Variants in MLIP observed in about 807,000 individuals in gnomAD.
The protein encoded by MLIP is muscular LMNA-interacting protein.
Under a neutral mutation model 84.8 loss-of-function variants are expected in MLIP, and 79 were observed. That is an observed-to-expected ratio of 0.93 (90% CI 0.78 to 1.12). MLIP has a LOEUF of 1.12. MLIP is among the 50% of genes most tolerant of loss of function. The probability of loss-of-function intolerance (pLI) is 0.00; values close to 1 mark genes in which losing one functional copy is unlikely to be tolerated. For synonymous variants in MLIP, 504 were observed against 463.0 expected (o/e 1.09, Z -1.14); for missense variants, 1,257 against 1,160.6 (o/e 1.08, Z -1.21).
At chr6:54,190,897 G>T (rs531073310) in intron 10 of MLIP, among the ~76,000 whole-genome samples, 2 of 150,832 alleles carry the variant, frequency 1.3e-5, no homozygotes, top group Non-Finnish European at 2.9e-5. Flanking sequence ...CCGGGTTCAC[G>T]CCATTCTCCT....
At chr6:54,160,907 A>C (rs1774570231) in intron 8 of MLIP, 108 bp downstream of exon 8, 5 of 835,774 alleles carry the variant, frequency 6.0e-6, no homozygotes, top group Admixed American at 5.1e-5. Context: ...AATTTAGTGA[A>C]TAGCAATCAG....
intron 1 of MLIP, among the ~76,000 whole-genome samples, chr6:54,074,243 G>T (rs924803610): frequency 6.6e-6 from 1 of 152,136 alleles, no homozygotes; most frequent in Non-Finnish European, 1.5e-5. Context: ...TAGCACTTCT[G>T]AGTGCTCAGC....
At chr6:54,250,634 T>C (rs532046530) in intron 12 of MLIP, among the ~76,000 whole-genome samples, 1 of 152,294 alleles carries the variant, frequency 6.6e-6, no homozygotes, top group East Asian at 1.9e-4. Context: ...TGAAGTGAAG[T>C]TGATGCATAC....
intron 1 of MLIP, among the ~76,000 whole-genome samples, chr6:54,091,767 G>A (rs146584069): frequency 2.4e-4 from 37 of 152,290 alleles, no homozygotes; most frequent in African/African-American, 8.7e-4. Context: ...TAGGCCTCCA[G>A]TTATAGATCT....
At chr6:54,188,961 A>T (rs1777661480) in intron 9 of MLIP, among the ~76,000 whole-genome samples, 2 of 152,232 alleles carry the variant, frequency 1.3e-5, no homozygotes. Context: ...TGCAAAAGAC[A>T]GAAATGCTAC....
At chr6:54,193,792 T>A (rs548861625) in intron 10 of MLIP, among the ~76,000 whole-genome samples, 2 of 152,192 alleles carry the variant, frequency 1.3e-5, no homozygotes, top group South Asian at 4.2e-4. Context: ...AAAGGAAAGA[T>A]CTAGGGTCTG....
rs371332472 is a variant in MLIP, at chr6:54,261,699, C to T, written c.2977-4251C>T. ...GCCATCCCATTCCTCTGACTTTATC[C>T]TCTGGATGAGAACATAGAAAAGAGA... On this transcript the variant is annotated intron_variant, in intron 13 of 13. Coordinates refer to ENST00000502396, the MANE Select transcript of MLIP (RefSeq NM_001281747.2). The T allele has an allele frequency of 2.9e-5, 29 of 985,118 alleles. No homozygotes were observed. In the East Asian group the frequency reaches 4.5e-4, roughly 15 times the overall value. 61.0% of individuals were successfully genotyped at this position (985,118 alleles called of 1,614,324 possible). A position where few individuals can be genotyped will look rare whatever the true frequency, so the allele number is the denominator to read the frequency against.
At chr6:54,181,593 C>G (rs1776875956) in intron 9 of MLIP, among the ~76,000 whole-genome samples, 1 of 152,168 alleles carries the variant, frequency 6.6e-6, no homozygotes, top group African/African-American at 2.4e-5. Flanking sequence ...AGGAGTCTGT[C>G]ACTATAGCCA....
At chr6:54,217,101 A>G (rs1374808500) in intron 11 of MLIP, 1 of 985,354 alleles carries the variant, frequency 1.0e-6, no homozygotes, top group Non-Finnish European at 1.2e-6. Flanking sequence ...AGGTGGGAAG[A>G]TGGAAGACAG....
intron 12 of MLIP, among the ~76,000 whole-genome samples, chr6:54,254,046 T>TTGGATGAC (rs1048525046): frequency 6.6e-6 from 1 of 151,140 alleles, no homozygotes; most frequent in Non-Finnish European, 1.5e-5. Context: ...GTATGCCAGC[T>TTGGATGAC]TGGATGACTC....
At chr6:54,178,938 G>A (rs967538521) in intron 9 of MLIP, among the ~76,000 whole-genome samples, 1 of 152,102 alleles carries the variant, frequency 6.6e-6, no homozygotes, top group Non-Finnish European at 1.5e-5. Flanking sequence ...GATTAAGTCT[G>A]ATGTTTCTCT....
chr6:54,080,589 T>C (rs999498233), intron 1 of MLIP, among the ~76,000 whole-genome samples: 9 of 151,808 alleles, frequency 5.9e-5, no homozygotes, highest in East Asian at 1.9e-4. Context: ...CATTTGCATA[T>C]AACTATACCC....
intron 4 of MLIP, among the ~76,000 whole-genome samples, chr6:54,139,167 T>C (rs1478691073): frequency 2.7e-5 from 4 of 150,096 alleles, no homozygotes; most frequent in Non-Finnish European, 5.9e-5. Flanking sequence ...AAGTAAGAGA[T>C]TTTTTTTGTC....
chr6:54,028,674 A>G (rs1763956638), intron 1 of MLIP, among the ~76,000 whole-genome samples: 1 of 152,210 alleles, frequency 6.6e-6, no homozygotes, highest in African/African-American at 2.4e-5. Context: ...CATTCAGCCC[A>G]GCAATCCTTT....
intron 3 of MLIP, among the ~76,000 whole-genome samples, chr6:54,128,455 G>C (rs1240989935): frequency 1.3e-5 from 2 of 152,102 alleles, no homozygotes; most frequent in African/African-American, 4.8e-5. Flanking sequence ...GTGAATCAAA[G>C]ATGTCTGAGA....
intron 1 of MLIP, among the ~76,000 whole-genome samples, chr6:54,056,809 G>T (rs181801171): frequency 2.0e-5 from 3 of 152,218 alleles, no homozygotes; most frequent in Non-Finnish European, 4.4e-5. Context: ...AGAAAGAAAA[G>T]AATTTTCTTA....
At chr6:54,095,998 G>A (rs2150379829) in intron 1 of MLIP, among the ~76,000 whole-genome samples, 1 of 152,204 alleles carries the variant, frequency 6.6e-6, no homozygotes, top group African/African-American at 2.4e-5. Flanking sequence ...GGTAGGCGAT[G>A]TATGAAGTAA....
chr6:54,023,635 T>C (rs1763635107), intron 1 of MLIP, among the ~76,000 whole-genome samples: 1 of 152,194 alleles, frequency 6.6e-6, no homozygotes, highest in African/African-American at 2.4e-5. Context: ...AGTGGTGCGA[T>C]CTCGGCTCAC....
chr6:54,063,381 G>A (rs1022943054), intron 1 of MLIP: 3 of 151,888 alleles, frequency 2.0e-5, no homozygotes, highest in African/African-American at 7.3e-5. Context: ...GAGTATATGT[G>A]TACTTGAAAA....
Sources: allele counts gnomAD v4.1 joint callset (sites outside exome capture counted in the v4.1 genomes callset), GRCh38; gene constraint gnomAD v4.1.1; transcripts MANE v1.5; gene names NCBI Gene and HGNC (gene_info 2026-07-23, HGNC 2026-07-21).